Variants in METAP1 observed in about 807,000 individuals in gnomAD.
METAP1 encodes the protein methionine aminopeptidase 1.
METAP1 carries 28 observed loss-of-function variants against 53.8 expected under a neutral mutation model. The ratio of observed to expected loss-of-function variants is 0.52; its 90% CI spans 0.39 to 0.71. The LOEUF (loss-of-function observed/expected upper bound fraction) is 0.71, where lower values mean the gene tolerates loss of function less well. Ranked by LOEUF, METAP1 falls within the 30% of genes least tolerant of loss-of-function variation. The pLI is 0.00. For missense variants in METAP1, 389 were observed against 479.8 expected (o/e 0.81, Z 1.77); for synonymous variants, 181 against 165.7 (o/e 1.09, Z -0.71).
intron 1 of METAP1, chr4:99,023,508 C>T: frequency 1.0e-6 from 1 of 985,340 alleles, no homozygotes; most frequent in Non-Finnish European, 1.2e-6. Flanking sequence ...CTTATTTGCT[C>T]ACACTCTCAT....
intron 7 of METAP1, among the ~76,000 whole-genome samples, chr4:99,044,767 T>G (rs559339080): frequency 6.6e-6 from 1 of 152,110 alleles, no homozygotes; most frequent in South Asian, 2.1e-4. Flanking sequence ...CAGTGTAAAT[T>G]TTTCTGTTAT....
chr4:99,041,619 G>T (rs1305126205), intron 6 of METAP1, among the ~76,000 whole-genome samples: 1 of 151,898 alleles, frequency 6.6e-6, no homozygotes, highest in Non-Finnish European at 1.5e-5. Context: ...TATTAGATGA[G>T]TGTACACATT....
chr4:99,043,157 C>T, intron 6 of METAP1, 92 bp from the exon 7 acceptor site: 1 of 927,010 alleles, frequency 1.1e-6, no homozygotes, highest in Non-Finnish European at 1.6e-6. Context: ...AGCATGTGTC[C>T]AACTGTTTTC....
rs192916842 is a variant in METAP1, at chr4:99,019,420, C to T, written c.115-9447C>T. On this transcript the variant is annotated intron_variant, in intron 1 of 10. Transcript: ENST00000296411. ...TGGCCTTTAGGTCAGGGCATTCTCT[C>T]TTAAAATGGCCTGTTTTTCCACATT... Among the ~76,000 whole-genome samples, 102 of 152,302 alleles carry T rather than the reference C, an allele frequency of 6.7e-4. No individual in the cohort carries two copies. The Middle Eastern group carries it at 0.01, about 15-fold the overall frequency.
intron 1 of METAP1, chr4:99,022,856 G>A (rs1039356517): frequency 2.6e-6 from 4 of 1,550,900 alleles, no homozygotes; most frequent in African/African-American, 1.4e-5. Flanking sequence ...TCCCTCCCAC[G>A]GCTGCTGCTG....
intron 1 of METAP1, chr4:99,026,710 AAG>A (rs1724592901): frequency 1.0e-6 from 1 of 985,280 alleles, no homozygotes; most frequent in Non-Finnish European, 1.2e-6. Context: ...GAGGAAGAAA[AAG>A]AGTGAAGTTG....
chr4:99,012,652 GTTTTTTTTTTTTTT>G (rs78437310), intron 1 of METAP1, among the ~76,000 whole-genome samples: 3 of 90,362 alleles, frequency 3.3e-5, no homozygotes, highest in South Asian at 5.6e-4. Context: ...ATCCCATAAA[GTTTTTTTTTTTTTT>G]TTTTTTTTTT....
chr4:99,045,030 G>T, intron 7 of METAP1, 149 bp from the exon 8 acceptor site: 1 of 725,458 alleles, frequency 1.4e-6, no homozygotes, highest in Non-Finnish European at 2.2e-6. Context: ...AGCTTCTGTT[G>T]GGCAATAACT....
chr4:99,001,758 A>G (rs1233784150), intron 1 of METAP1, among the ~76,000 whole-genome samples: 2 of 152,232 alleles, frequency 1.3e-5, no homozygotes, highest in African/African-American at 4.8e-5. Flanking sequence ...ACGTATAATA[A>G]TGGTACAGGA....
chr4:99,023,717 G>T, intron 1 of METAP1: 1 of 985,420 alleles, frequency 1.0e-6, no homozygotes. Flanking sequence ...TGAAGCCGTT[G>T]TAGTTTGGCA....
intron 1 of METAP1, among the ~76,000 whole-genome samples, chr4:99,002,585 T>G (rs907088154): frequency 6.6e-6 from 1 of 152,124 alleles, no homozygotes; most frequent in Non-Finnish European, 1.5e-5. Context: ...CCTTTCTCAT[T>G]GTGTGTGCAT....
chr4:99,061,564 T>A lies in METAP1; in HGVS notation c.*247T>A. 3.0e-6 allele frequency: 1 copy of A among 329,038 alleles called. No individual in the cohort carries two copies. The highest frequency in any genetic ancestry group is 5.5e-6 in the Non-Finnish European group (1 of 183,166). The allele number at this position is 329,038 out of a possible 1,614,324, so 20.4% of individuals were successfully genotyped here. ...TGCACACCTGTTTTCTCATTTGCCC[T>A]TTGAGCACTTTTACTTAAACTTGCT... On this transcript the variant is annotated 3_prime_UTR_variant, in exon 11 of 11. Transcript: ENST00000296411.
intron 2 of METAP1, chr4:99,031,577 C>T (rs527577478): frequency 1.4e-4 from 183 of 1,287,668 alleles, no homozygotes; most frequent in Non-Finnish European, 1.8e-4. Flanking sequence ...TTCTAAGTCT[C>T]ACCTCCAAGA....
chr4:99,027,901 C>A (rs1424539173), intron 1 of METAP1, among the ~76,000 whole-genome samples: 2 of 152,042 alleles, frequency 1.3e-5, no homozygotes, highest in Admixed American at 1.3e-4. Context: ...CTTGGGCAAA[C>A]CTTTACAGAA....
chr4:99,041,199 G>T, intron 6 of METAP1, 73 bp downstream of exon 6: 6 of 1,064,026 alleles, frequency 5.6e-6, no homozygotes, highest in Non-Finnish European at 8.1e-6. Context: ...ACATTAAGTA[G>T]ATTTAAGTTC....
In METAP1 at chr4:98,995,751, A is replaced by C; in HGVS notation, c.-3A>C. 1 of 1,544,078 alleles carries C rather than the reference A, an allele frequency of 6.5e-7. No homozygotes were observed. The highest frequency in any genetic ancestry group is 1.4e-5 in the African/African-American group (1 of 72,200). ...TGAGGCGCTCTTCCAGCGGGCAGGC[A>C]GCATGGCGGCCGTGGAGACGCGGGT... is the stretch of plus-strand genomic sequence containing the variant. On this transcript the variant is annotated 5_prime_UTR_variant, in exon 1 of 11. Coordinates refer to ENST00000296411, the MANE Select transcript of METAP1 (RefSeq NM_015143.3).
intron 1 of METAP1, among the ~76,000 whole-genome samples, chr4:99,021,709 C>A (rs576777155): frequency 6.6e-6 from 1 of 152,260 alleles, no homozygotes; most frequent in South Asian, 2.1e-4. Context: ...TTCCCATTGG[C>A]TGGGATGGGA....
Position 99,034,211 on chromosome 4 carries a change from C to G in METAP1, c.167-19C>G. 2 of 1,423,336 alleles carry G rather than the reference C, an allele frequency of 1.4e-6. No individual in the cohort carries two copies. The highest frequency in any genetic ancestry group is 1.9e-6 in the Non-Finnish European group (2 of 1,030,734). 88.2% of individuals were successfully genotyped at this position (1,423,336 alleles called of 1,614,324 possible). On this transcript the variant is annotated intron_variant, in intron 2 of 10. Transcript: ENST00000296411. ...CTCCTTCTCCTCCTTCCTCTCATAT[C>G]TATTCCTCCGTCTCCCAGAAGATGA...
chr4:99,050,462 C>G (rs1726611217), intron 9 of METAP1, among the ~76,000 whole-genome samples: 1 of 152,086 alleles, frequency 6.6e-6, no homozygotes, highest in Non-Finnish European at 1.5e-5. Context: ...TGGTAAAATC[C>G]TAGACGTGGA....
Sources: allele counts gnomAD v4.1 joint callset (sites outside exome capture counted in the v4.1 genomes callset), GRCh38; gene constraint gnomAD v4.1.1; transcripts MANE v1.5; gene names NCBI Gene and HGNC (gene_info 2026-07-23, HGNC 2026-07-21).